The following PCDH15 variants were observed in gnomAD, a reference collection of about 807,000 sequenced individuals.
PCDH15 encodes protocadherin-15.
In PCDH15, 129 loss-of-function variants were observed where a neutral mutation model predicts 178.5. That is an observed-to-expected ratio of 0.72 (90% confidence interval 0.63 to 0.84). The LOEUF (loss-of-function observed/expected upper bound fraction) is 0.84, where lower values mean the gene tolerates loss of function less well. Ranked by LOEUF, PCDH15 falls within the 40% of genes least tolerant of loss-of-function variation. The pLI, the probability that PCDH15 is intolerant of heterozygous loss-of-function variation, is 0.00. For synonymous variants in PCDH15, 800 were observed against 732.0 expected (o/e 1.09, Z -1.50); for missense variants, 2,230 against 2,099.9 (o/e 1.06, Z -1.21).
intron 18 of PCDH15, among the ~76,000 whole-genome samples, chr10:54,057,661 T>C (rs1434372649): frequency 6.6e-6 from 1 of 152,152 alleles, no homozygotes; most frequent in African/African-American, 2.4e-5. Context: ...CCTGGAGACA[T>C]TTCCCCCATT....
chr10:54,241,312 G>T (rs1404877174), intron 8 of PCDH15, among the ~76,000 whole-genome samples: 1 of 152,178 alleles, frequency 6.6e-6, no homozygotes, highest in Non-Finnish European at 1.5e-5. Context: ...AGGAAGTACG[G>T]TATGTGTTGA....
chr10:54,142,160 C>T (rs549875071), intron 14 of PCDH15, among the ~76,000 whole-genome samples: 4 of 152,162 alleles, frequency 2.6e-5, no homozygotes, highest in South Asian at 2.1e-4. Flanking sequence ...ACTTTAACAC[C>T]GTGGTCAGAA....
chr10:55,529,342 A>G (rs972515863), intron 2 of PCDH15, among the ~76,000 whole-genome samples: 8 of 151,924 alleles, frequency 5.3e-5, no homozygotes, highest in Non-Finnish European at 1.0e-4. Context: ...GCTTTCTTCT[A>G]GGGTTTTTAT....
At chr10:54,963,265 A>C (rs1183654227) in intron 2 of PCDH15, among the ~76,000 whole-genome samples, 1 of 152,104 alleles carries the variant, frequency 6.6e-6, no homozygotes, top group African/African-American at 2.4e-5. Flanking sequence ...TAGGTAATAA[A>C]GGCAATTCTT....
intron 3 of PCDH15, among the ~76,000 whole-genome samples, chr10:54,507,892 T>C (rs2081305070): frequency 6.6e-6 from 1 of 152,024 alleles, no homozygotes; most frequent in Non-Finnish European, 1.5e-5. Flanking sequence ...ACTTTTAGGA[T>C]ACTCATAGCA....
chr10:55,394,506 C>T lies in PCDH15; in HGVS notation c.-155-227855G>A, dbSNP rs200203093. The stretch of plus-strand genomic sequence containing the variant: ...GGTTAATTACAAGATAGAATTAAAG[C>T]GCACCCTGCCCCAGATCTCAATATA... On this transcript the variant is annotated intron_variant, in intron 2 of 5. Coordinates refer to the PCDH15 transcript ENST00000613346. Among the ~76,000 whole-genome samples, 143 of 151,900 alleles carry T rather than the reference C, an allele frequency of 9.4e-4. 1 individual carries two copies. The South Asian group carries it at 0.017, about 18-fold the overall frequency.
intron 2 of PCDH15, among the ~76,000 whole-genome samples, chr10:55,397,433 A>G (rs539408518): frequency 6.6e-6 from 1 of 152,288 alleles, no homozygotes; most frequent in African/African-American, 2.4e-5. Flanking sequence ...GGTGTAAGTG[A>G]AAGCCATTTC....
intron 26 of PCDH15, among the ~76,000 whole-genome samples, chr10:53,878,974 G>A (rs189112833): frequency 1.3e-5 from 2 of 152,228 alleles, no homozygotes; most frequent in East Asian, 1.9e-4. Context: ...ATATTCACTC[G>A]GGTGTAAAAT....
intron 2 of PCDH15, among the ~76,000 whole-genome samples, chr10:55,446,311 G>GTATA (rs144192137): frequency 0.28 from 41,639 of 148,952 alleles, 5,969 homozygotes; most frequent in African/African-American, 0.35. Flanking sequence ...ATAGATATGT[G>GTATA]TATATATATA....
At chr10:55,298,689 T>A (rs1843196596) in intron 1 of PCDH15, among the ~76,000 whole-genome samples, 1 of 152,092 alleles carries the variant, frequency 6.6e-6, no homozygotes, top group South Asian at 2.1e-4. Flanking sequence ...CAAGTGATTC[T>A]CCTGCCTCCA....
At chr10:54,717,835 A>G (rs1247572740) in intron 1 of PCDH15, among the ~76,000 whole-genome samples, 1 of 143,928 alleles carries the variant, frequency 6.9e-6, no homozygotes, top group Non-Finnish European at 1.5e-5. Flanking sequence ...GGCACTATTC[A>G]TAATAGCGAA....
At chr10:55,079,299 C>G (rs1036115541) in intron 2 of PCDH15, among the ~76,000 whole-genome samples, 4 of 152,140 alleles carry the variant, frequency 2.6e-5, no homozygotes, top group African/African-American at 9.7e-5. Context: ...TTTGTAGGGT[C>G]ATTTAGCTTT....
chr10:54,803,458 C>G (rs749163496), upstream of PCDH15, among the ~76,000 whole-genome samples: 1 of 152,054 alleles, frequency 6.6e-6, no homozygotes, highest in African/African-American at 2.4e-5. Flanking sequence ...GGATAAAGTG[C>G]CATGTAACCA....
At chr10:55,272,226 G>C (rs1842463181) in intron 1 of PCDH15, among the ~76,000 whole-genome samples, 1 of 151,634 alleles carries the variant, frequency 6.6e-6, no homozygotes, top group Non-Finnish European at 1.5e-5. Flanking sequence ...GAACAATCAG[G>C]ATTGAAAACA....
At chr10:54,316,858 T>C (rs1391849112) in intron 8 of PCDH15, among the ~76,000 whole-genome samples, 4 of 152,156 alleles carry the variant, frequency 2.6e-5, no homozygotes, top group Non-Finnish European at 4.4e-5. Flanking sequence ...AAACATAATC[T>C]CCAATAACAT....
intron 2 of PCDH15, among the ~76,000 whole-genome samples, chr10:55,502,273 C>T (rs1840673212): frequency 6.6e-6 from 1 of 151,614 alleles, no homozygotes; most frequent in Admixed American, 6.6e-5. Context: ...TACAATGCTT[C>T]CTTTAGTTAC....
At chr10:55,162,824 GGTTTGAGT>G (rs1481955455) in intron 2 of PCDH15, among the ~76,000 whole-genome samples, 1 of 152,122 alleles carries the variant, frequency 6.6e-6, no homozygotes, top group Non-Finnish European at 1.5e-5. Context: ...GTCAGACCCA[GGTTTGAGT>G]CTCAGTCCCT....
At chr10:54,481,470 T>C (rs2078712057) in intron 3 of PCDH15, among the ~76,000 whole-genome samples, 2 of 151,816 alleles carry the variant, frequency 1.3e-5, no homozygotes, top group Admixed American at 1.3e-4. Context: ...ATGTTTAAAA[T>C]ATGTTGATAA....
chr10:54,721,556 C>A (rs1941605080), intron 1 of PCDH15, among the ~76,000 whole-genome samples: 1 of 151,578 alleles, frequency 6.6e-6, no homozygotes, highest in Non-Finnish European at 1.5e-5. Context: ...ACTGATACTA[C>A]AGAAATACAA....
Sources: gnomAD v4.1 joint callset for allele counts (sites outside exome capture counted in the v4.1 genomes callset) on GRCh38, gnomAD v4.1.1 for gene constraint, MANE v1.5 for transcripts, NCBI Gene and HGNC (gene_info 2026-07-23, HGNC 2026-07-21) for gene names.